DAB1: variants seen among roughly 807,000 people sequenced by gnomAD.
DAB1 encodes the protein disabled homolog 1.
A neutral mutation model predicts 64.6 loss-of-function variants in DAB1; 15 were observed. The ratio of observed to expected loss-of-function variants is 0.23; its 90% CI spans 0.16 to 0.36. The LOEUF is 0.36. Ranked by LOEUF, DAB1 falls within the 10% of genes least tolerant of loss-of-function variation. The pLI is 1.00. For missense variants in DAB1, 596 were observed against 706.7 expected, an observed-to-expected ratio of 0.84 and a Z score of 1.78; for synonymous variants, 235 against 251.9, an observed-to-expected ratio of 0.93 and a Z score of 0.64.
At chr1:57,335,872 TAAG>T (rs1452788530) in intron 1 of DAB1, among the ~76,000 whole-genome samples, 1 of 152,208 alleles carries the variant, frequency 6.6e-6, no homozygotes, top group African/African-American at 2.4e-5. Context: ...CAAATAGGAA[TAAG>T]ACATGCATTT....
chr1:57,838,440 T>A (rs1049884459), intron 1 of DAB1, among the ~76,000 whole-genome samples: 40 of 152,122 alleles, frequency 2.6e-4, no homozygotes, highest in Admixed American at 9.8e-4. Context: ...GTAATGAATA[T>A]ATATTATGTA....
intron 4 of DAB1, among the ~76,000 whole-genome samples, chr1:58,155,873 C>A (rs760957542): frequency 2.0e-5 from 3 of 152,156 alleles, no homozygotes; most frequent in East Asian, 1.9e-4. Flanking sequence ...AACTAACACT[C>A]CTGGTGGTAT....
intron 4 of DAB1, among the ~76,000 whole-genome samples, chr1:58,214,768 T>C (rs2100302064): frequency 6.6e-6 from 1 of 152,326 alleles, no homozygotes; most frequent in South Asian, 2.1e-4. Flanking sequence ...ATGTCTGATG[T>C]TGGATCAAGG....
chr1:57,344,174 C>T lies in DAB1; in HGVS notation c.-136-53008G>A, dbSNP rs150690833. ...TAAATGGCAGAACCAAGTTACAAACCCAAGATGATCAGATTCCAAAGTCTT... is the reference window on the plus strand; with the variant it reads ...TAAATGGCAGAACCAAGTTACAAACTCAAGATGATCAGATTCCAAAGTCTT... On this transcript the variant is annotated intron_variant, in intron 1 of 14. Transcript: ENST00000371236. Among the ~76,000 whole-genome samples, 202 of 152,294 alleles carry T rather than the reference C, an allele frequency of 1.3e-3. 2 individuals are homozygous for T. Among genetic ancestry groups the T allele is most frequent in the African/African-American group, 4.5e-3 (187 of 41,554 alleles).
intron 1 of DAB1, among the ~76,000 whole-genome samples, chr1:57,404,179 A>G (rs1683456725): frequency 6.6e-6 from 1 of 152,228 alleles, no homozygotes; most frequent in Non-Finnish European, 1.5e-5. Context: ...ACTATTAAGG[A>G]ACTATAAAAA....
At chr1:57,662,706 G>A (rs1196789254) in intron 6 of DAB1, among the ~76,000 whole-genome samples, 1 of 152,220 alleles carries the variant, frequency 6.6e-6, no homozygotes. Context: ...AAAGAGATTA[G>A]TATAGTCCAG....
intron 5 of DAB1, among the ~76,000 whole-genome samples, chr1:57,939,184 C>T (rs151167920): frequency 3.7e-4 from 56 of 152,162 alleles, no homozygotes; most frequent in African/African-American, 1.3e-3. Context: ...TCTCACATGG[C>T]AGAGAGACAG....
intron 2 of DAB1, among the ~76,000 whole-genome samples, chr1:57,240,425 G>A (rs1195751250): frequency 2.0e-5 from 3 of 152,116 alleles, no homozygotes; most frequent in African/African-American, 7.2e-5. Context: ...AGGTATTTGG[G>A]AAAAACAGCT....
downstream of DAB1, among the ~76,000 whole-genome samples, chr1:57,821,443 C>T (rs1213719126): frequency 6.6e-6 from 1 of 152,152 alleles, no homozygotes; most frequent in African/African-American, 2.4e-5. Flanking sequence ...GTCAGTTGTC[C>T]ATTTGTCACA....
intron 6 of DAB1, among the ~76,000 whole-genome samples, chr1:57,805,554 C>A (rs368394932): frequency 6.6e-6 from 1 of 152,064 alleles, no homozygotes; most frequent in Non-Finnish European, 1.5e-5. Flanking sequence ...GTTATAGATA[C>A]CTCTGTGTTG....
intron 3 of DAB1, among the ~76,000 whole-genome samples, chr1:58,413,802 C>A (rs909037672): frequency 1.3e-5 from 2 of 152,164 alleles, no homozygotes; most frequent in Non-Finnish European, 2.9e-5. Context: ...TGCTAAGAAC[C>A]TATTCCCTCG....
At chr1:57,010,063 C>T (rs992721834) in intron 14 of DAB1, among the ~76,000 whole-genome samples, 1 of 152,192 alleles carries the variant, frequency 6.6e-6, no homozygotes, top group African/African-American at 2.4e-5. Flanking sequence ...TCTGATCTTA[C>T]ATCTCGATCA....
intron 1 of DAB1, among the ~76,000 whole-genome samples, chr1:57,408,636 A>C (rs269041): frequency 0.037 from 5,586 of 152,212 alleles, 304 homozygotes; most frequent in African/African-American, 0.12. Context: ...CCGCCAGCTG[A>C]GTCACTCTCA....
chr1:58,454,512 C>G (rs1411589331), intron 3 of DAB1, among the ~76,000 whole-genome samples: 1 of 152,036 alleles, frequency 6.6e-6, no homozygotes, highest in Non-Finnish European at 1.5e-5. Flanking sequence ...AAAGCTTTGT[C>G]GACGGATGTC....
intron 2 of DAB1, among the ~76,000 whole-genome samples, chr1:57,211,288 G>A (rs533751499): frequency 2.6e-5 from 4 of 152,142 alleles, no homozygotes; most frequent in Non-Finnish European, 4.4e-5. Context: ...AAACTGCTGC[G>A]GTCTGGTGGG....
At chr1:58,260,629 C>G (rs1360494513) in intron 4 of DAB1, among the ~76,000 whole-genome samples, 1 of 152,208 alleles carries the variant, frequency 6.6e-6, no homozygotes, top group Non-Finnish European at 1.5e-5. Flanking sequence ...CCAAACCAAA[C>G]CCCTGCCATT....
At chr1:58,484,903 G>A (rs1000863855) in intron 3 of DAB1, among the ~76,000 whole-genome samples, 3 of 152,090 alleles carry the variant, frequency 2.0e-5, no homozygotes, top group Admixed American at 6.5e-5. Flanking sequence ...GGGCTAGGGG[G>A]AGGGAGGAAT....
intron 6 of DAB1, among the ~76,000 whole-genome samples, chr1:57,805,652 C>G (rs1651326636): frequency 1.3e-5 from 2 of 152,254 alleles, no homozygotes; most frequent in South Asian, 4.1e-4. Flanking sequence ...ACTTGCACAT[C>G]TAGGTGTCCT....
intron 3 of DAB1, among the ~76,000 whole-genome samples, chr1:57,137,383 C>T (rs767326301): frequency 5.9e-5 from 9 of 152,118 alleles, no homozygotes; most frequent in African/African-American, 1.9e-4. Flanking sequence ...TAGGACAGTC[C>T]GTGGAGGGCA....
Sources: gnomAD v4.1 joint callset for allele counts (sites outside exome capture counted in the v4.1 genomes callset) on GRCh38, gnomAD v4.1.1 for gene constraint, MANE v1.5 for transcripts, NCBI Gene and HGNC (gene_info 2026-07-23, HGNC 2026-07-21) for gene names.